Variants in PDGFC observed in about 807,000 individuals in gnomAD.
PDGFC encodes the protein platelet-derived growth factor C.
Under a neutral mutation model 35.5 loss-of-function variants are expected in PDGFC, and 12 were observed. The observed-to-expected ratio is 0.34, with a 90% CI of 0.22 to 0.55. The LOEUF (loss-of-function observed/expected upper bound fraction) is 0.55. PDGFC is among the 20% of genes least tolerant of loss of function. The pLI is 0.91. For missense variants in PDGFC, 322 were observed against 412.4 expected (o/e 0.78, Z 1.90); for synonymous variants, 159 against 148.8 (o/e 1.07, Z -0.50).
At chr4:156,811,100 G>C in intron 2 of PDGFC, 83 bp from the exon 3 acceptor site, 1 of 833,056 alleles carries the variant, frequency 1.2e-6, no homozygotes, top group Non-Finnish European at 1.9e-6. Flanking sequence ...TGGGTGCTAT[G>C]ACTCTACGGA....
chr4:156,915,314 T>C (rs1359736141), intron 1 of PDGFC, among the ~76,000 whole-genome samples: 1 of 152,138 alleles, frequency 6.6e-6, no homozygotes, highest in Non-Finnish European at 1.5e-5. Context: ...CTCAGGGAAC[T>C]CTAAGGTGGT....
chr4:156,878,808 C>T (rs1005532126), intron 1 of PDGFC, among the ~76,000 whole-genome samples: 2 of 152,076 alleles, frequency 1.3e-5, no homozygotes, highest in Admixed American at 6.6e-5. Context: ...AGTCTATAAG[C>T]TCCATTTCCA....
intron 1 of PDGFC, among the ~76,000 whole-genome samples, chr4:156,852,467 C>G (rs1439750029): frequency 6.6e-6 from 1 of 152,106 alleles, no homozygotes; most frequent in African/African-American, 2.4e-5. Flanking sequence ...AACCTAAGTC[C>G]CTTTCCACCA....
At chr4:156,767,668 T>G in intron 5 of PDGFC, 105 bp downstream of exon 5, 3 of 703,786 alleles carry the variant, frequency 4.3e-6, no homozygotes, top group Non-Finnish European at 4.9e-6. Flanking sequence ...TTTTTCCCCA[T>G]GAATACTACG....
chr4:156,826,904 CA>C (rs1362443747), intron 2 of PDGFC, among the ~76,000 whole-genome samples: 1 of 151,670 alleles, frequency 6.6e-6, no homozygotes, highest in Non-Finnish European at 1.5e-5. Flanking sequence ...TAGAACAAAC[CA>C]AAGTGAAATA....
chr4:156,849,632 A>G (rs1370154389), intron 2 of PDGFC, among the ~76,000 whole-genome samples: 1 of 152,080 alleles, frequency 6.6e-6, no homozygotes, highest in Non-Finnish European at 1.5e-5. Context: ...ACTTTGGTTC[A>G]TGAATGCTTC....
At chr4:156,794,681 G>C (rs929203735) in intron 3 of PDGFC, among the ~76,000 whole-genome samples, 2 of 151,748 alleles carry the variant, frequency 1.3e-5, no homozygotes, top group African/African-American at 4.8e-5. Context: ...TATCATTCTA[G>C]TAGAACACTC....
intron 1 of PDGFC, among the ~76,000 whole-genome samples, chr4:156,964,324 T>A (rs1412880014): frequency 6.6e-6 from 1 of 150,984 alleles, no homozygotes; most frequent in Non-Finnish European, 1.5e-5. Flanking sequence ...TGGTAACCAT[T>A]ATAAAGGTAG....
intron 1 of PDGFC, among the ~76,000 whole-genome samples, chr4:156,901,556 C>T (rs184541461): frequency 2.0e-4 from 30 of 151,142 alleles, no homozygotes; most frequent in African/African-American, 6.5e-4. Flanking sequence ...ATATTGGTAG[C>T]GAGAGAGAGA....
chr4:156,766,953 T>G (rs2110794697), intron 5 of PDGFC, among the ~76,000 whole-genome samples: 1 of 152,256 alleles, frequency 6.6e-6, no homozygotes, highest in Non-Finnish European at 1.5e-5. Flanking sequence ...TTCTGTATTC[T>G]TATTTAATGG....
intron 1 of PDGFC, among the ~76,000 whole-genome samples, chr4:156,914,134 G>A (rs1731103960): frequency 6.6e-6 from 1 of 152,102 alleles, no homozygotes; most frequent in Non-Finnish European, 1.5e-5. Context: ...ACAATCAGAA[G>A]GACTAAAAAG....
At chr4:156,775,643 A>G (rs955150105) in intron 3 of PDGFC, among the ~76,000 whole-genome samples, 1 of 152,190 alleles carries the variant, frequency 6.6e-6, no homozygotes, top group Non-Finnish European at 1.5e-5. Flanking sequence ...ATATTAACAC[A>G]AAAGAAGGCA....
At chr4:156,801,956 T>C (rs1425280292) in intron 3 of PDGFC, among the ~76,000 whole-genome samples, 1 of 152,244 alleles carries the variant, frequency 6.6e-6, no homozygotes, top group Non-Finnish European at 1.5e-5. Flanking sequence ...AGCTACTCTA[T>C]GTTCACCTTA....
intron 2 of PDGFC, among the ~76,000 whole-genome samples, chr4:156,846,448 T>C (rs1729328247): frequency 6.6e-6 from 1 of 151,640 alleles, no homozygotes. Flanking sequence ...TGAGAGACAG[T>C]CTGTAGAATG....
intron 1 of PDGFC, among the ~76,000 whole-genome samples, chr4:156,861,668 T>G (rs1729712725): frequency 6.6e-6 from 1 of 152,086 alleles, no homozygotes; most frequent in African/African-American, 2.4e-5. Flanking sequence ...TTCATGGACA[T>G]TTGTACTAAT....
intron 4 of PDGFC, among the ~76,000 whole-genome samples, chr4:156,772,267 G>A (rs1730711307): frequency 6.6e-6 from 1 of 152,204 alleles, no homozygotes; most frequent in African/African-American, 2.4e-5. Flanking sequence ...GGGAGATACT[G>A]TAGACAAACA....
chr4:156,884,832 T>C (rs546643240), intron 1 of PDGFC, among the ~76,000 whole-genome samples: 16 of 152,284 alleles, frequency 1.1e-4, no homozygotes, highest in Non-Finnish European at 2.2e-4. Flanking sequence ...GCAAAAAGAT[T>C]AATGAATATG....
At chr4:156,903,816 A>T (rs1375185264) in intron 1 of PDGFC, among the ~76,000 whole-genome samples, 1 of 152,120 alleles carries the variant, frequency 6.6e-6, no homozygotes, top group East Asian at 1.9e-4. Flanking sequence ...TAATTTTAAA[A>T]TATAGCAAAG....
At chr4:156,885,041 T>C (rs1730341425) in intron 1 of PDGFC, among the ~76,000 whole-genome samples, 1 of 152,168 alleles carries the variant, frequency 6.6e-6, no homozygotes, top group Non-Finnish European at 1.5e-5. Flanking sequence ...TTTTCATATT[T>C]GGAGAGATCA....
Sources: gnomAD v4.1 joint callset for allele counts (sites outside exome capture counted in the v4.1 genomes callset) on GRCh38, gnomAD v4.1.1 for gene constraint, MANE v1.5 for transcripts, NCBI Gene and HGNC (gene_info 2026-07-23, HGNC 2026-07-21) for gene names.